The following KIAA0586 variants were observed in gnomAD, a reference collection of about 807,000 sequenced individuals.
The protein encoded by KIAA0586 is KIAA0586.
Under a neutral mutation model 169.8 loss-of-function variants are expected in KIAA0586, and 144 were observed. The ratio of observed to expected loss-of-function variants is 0.85; its 90% confidence interval spans 0.74 to 0.97. KIAA0586 has a LOEUF of 0.97. Ranked by LOEUF, KIAA0586 falls within the 50% of genes least tolerant of loss-of-function variation. The pLI is 0.00. For synonymous variants in KIAA0586, 625 were observed against 612.4 expected (o/e 1.02, Z -0.30); for missense variants, 1,854 against 1,823.0 (o/e 1.02, Z -0.31).
At chr14:58,480,368 C>A (rs2041951311) in intron 20 of KIAA0586, among the ~76,000 whole-genome samples, 1 of 143,778 alleles carries the variant, frequency 7.0e-6, no homozygotes, top group Admixed American at 7.0e-5. Context: ...AAAAAAACTT[C>A]TTTAAGACCT....
intron 26 of KIAA0586, among the ~76,000 whole-genome samples, chr14:58,497,123 C>T (rs1354413628): frequency 6.6e-6 from 1 of 151,754 alleles, no homozygotes; most frequent in East Asian, 1.9e-4. Context: ...TACAGGCATG[C>T]ACTACCATGC....
chr14:58,557,350 A>G, the KIAA0586 span, among the ~76,000 whole-genome samples: 594 of 152,282 alleles, frequency 3.9e-3, 10 homozygotes, highest in Non-Finnish European at 5.0e-3. Flanking sequence ...AATCTTAATG[A>G]TGTGCAATTG....
At chr14:58,543,659 T>A (rs1162305792) in intron 30 of KIAA0586, among the ~76,000 whole-genome samples, 4 of 152,212 alleles carry the variant, frequency 2.6e-5, no homozygotes, top group African/African-American at 9.7e-5. Flanking sequence ...TTTGTTGGTG[T>A]TCTTATTACT....
intron 28 of KIAA0586, among the ~76,000 whole-genome samples, chr14:58,510,401 T>C (rs2044304828): frequency 6.6e-6 from 1 of 152,134 alleles, no homozygotes; most frequent in South Asian, 2.1e-4. Context: ...GCAGAGTTAG[T>C]CATTAGGAAA....
At chr14:58,532,605 T>C (rs2046049927) in intron 29 of KIAA0586, among the ~76,000 whole-genome samples, 1 of 152,234 alleles carries the variant, frequency 6.6e-6, no homozygotes, top group Admixed American at 6.5e-5. Context: ...ATCACTCTTT[T>C]ATATAATTAC....
At chr14:58,431,474 C>T (rs773944778) in intron 3 of KIAA0586, among the ~76,000 whole-genome samples, 1 of 152,106 alleles carries the variant, frequency 6.6e-6, no homozygotes, top group Non-Finnish European at 1.5e-5. Context: ...ACCATCTTGA[C>T]CAGACTGGTC....
In KIAA0586 at chr14:58,427,986, T is replaced by G. The variant is rs1297058932; in HGVS notation, c.-279T>G. On this transcript the variant is annotated 5_prime_UTR_variant, in exon 1 of 31. Coordinates refer to ENST00000652326, the MANE Select transcript of KIAA0586 (RefSeq NM_001329943.3). The stretch of plus-strand genomic sequence containing the variant: ...AGCTCTGGGGTTGGGGAGTGCACTG[T>G]TATGGTTATTGTTGCTCCTGTGGCC... The G allele has an allele frequency of 7.0e-7, 1 of 1,422,222 alleles. No homozygotes were observed. The highest frequency in any genetic ancestry group is 1.4e-5 in the African/African-American group (1 of 69,500). The allele number at this position is 1,422,222 out of a possible 1,614,324, so 88.1% of individuals were successfully genotyped here.
In KIAA0586 at chr14:58,487,986, A is replaced by G. The variant is rs751729993; in HGVS notation, c.3404A>G (p.Asp1135Gly). Reference protein sequence around the residue: ...AAAVFTPTLSDISIDKLKVSS... With the variant: ...AAAVFTPTLSGISIDKLKVSS... Reference sequence around the variant, plus strand: ...GCAGTTTTTACCCCAACTTTGTCAGATATTTCCATTGATAAATTGAAGGTA... The same window carrying G: ...GCAGTTTTTACCCCAACTTTGTCAGGTATTTCCATTGATAAATTGAAGGTA... Residue 1135 changes from aspartate (D) to glycine (G), a missense_variant, in exon 23 of 31, where the codon GAT (aspartate) becomes GGT (glycine). By Grantham distance (94) the Asp-to-Gly change is moderately conservative. Transcript: ENST00000652326. The G allele has an allele frequency of 4.3e-6, 7 of 1,613,308 alleles. No homozygotes were observed. The East Asian group carries it at 1.1e-4, about 26-fold the overall frequency.
intron 29 of KIAA0586, among the ~76,000 whole-genome samples, chr14:58,518,081 A>G (rs1470713317): frequency 2.0e-5 from 3 of 152,272 alleles, no homozygotes; most frequent in Non-Finnish European, 2.9e-5. Flanking sequence ...TTCAATGGTT[A>G]GTCTTACTGG....
At chr14:58,486,364 C>G (rs938367890) in intron 21 of KIAA0586, among the ~76,000 whole-genome samples, 2 of 152,070 alleles carry the variant, frequency 1.3e-5, no homozygotes. Flanking sequence ...TGATGGGCAC[C>G]TAGGTTGACT....
At chr14:58,445,257 C>T (rs1199693136) in intron 6 of KIAA0586, among the ~76,000 whole-genome samples, 1 of 152,050 alleles carries the variant, frequency 6.6e-6, no homozygotes, top group Non-Finnish European at 1.5e-5. Flanking sequence ...TTCTGATGCA[C>T]ACCGTTGGAT....
rs752882356 is a variant in KIAA0586 at position 58,474,700 on chromosome 14, C to G, written c.2728C>G (p.Pro910Ala). The G allele has an allele frequency of 1.2e-6, 2 of 1,613,386 alleles. No individual in the cohort carries two copies. Among genetic ancestry groups the G allele is most frequent in the South Asian group, 2.2e-5 (2 of 91,030 alleles). ...TGATTCTACAAAATATAATGGTCCT[C>G]CATTTCCGCCAGTTGCTTCTACTTT... is the stretch of plus-strand genomic sequence containing the variant. The part of the protein sequence containing the change: ...KADSTKYNGP[P>A]FPPVASTFQP... The change falls in exon 19 of 31, where the codon CCA becomes GCA. Residue 910 changes from proline to alanine, a missense_variant. By Grantham distance (27) the Pro-to-Ala change is conservative (BLOSUM62 -1). Coordinates refer to ENST00000652326, the MANE Select transcript of KIAA0586 (RefSeq NM_001329943.3).
chr14:58,467,819 T>C lies in KIAA0586; in HGVS notation c.2339T>C (p.Ile780Thr). The C allele has an allele frequency of 6.2e-7, 1 of 1,613,656 alleles. No homozygotes were observed. The highest frequency in any genetic ancestry group is 8.5e-7 in the Non-Finnish European group (1 of 1,179,592). The change falls in exon 16 of 31, where the codon ATT (isoleucine) becomes ACT (threonine). Residue 780 changes from isoleucine to threonine, a missense_variant. Transcript: ENST00000652326. ...KPHPVTVTTS[I>T]PPSSRKVETG... Reference sequence around the variant, plus strand: ...CACCCTGTAACTGTGACTACTTCTATTCCTCCATCATCTCGAAAAGTAGAA... The same window carrying C: ...CACCCTGTAACTGTGACTACTTCTACTCCTCCATCATCTCGAAAAGTAGAA...
intron 16 of KIAA0586, among the ~76,000 whole-genome samples, chr14:58,470,173 A>G (rs2041098858): frequency 1.3e-5 from 2 of 152,048 alleles, no homozygotes; most frequent in African/African-American, 4.8e-5. Flanking sequence ...AAATTTTTCC[A>G]ATTGAAACAT....
rs185349555 is a variant in KIAA0586 at position 58,428,535 on chromosome 14, C to G, written c.199+72C>G. On this transcript the variant is annotated intron_variant, in intron 1 of 30. Coordinates refer to ENST00000652326, the MANE Select transcript of KIAA0586 (RefSeq NM_001329943.3). ...CTTTAGTCCTTATTTGTTTAAATTC[C>G]CAAACGTAAGATATAAGTCTAGTTT... The G allele has an allele frequency of 6.1e-6, 7 of 1,152,756 alleles. No homozygotes were observed. The Admixed American group carries it at 1.5e-4, about 24-fold the overall frequency. The allele number at this position is 1,152,756 out of a possible 1,614,324, so 71.4% of individuals were successfully genotyped here. A position where few individuals can be genotyped will look rare whatever the true frequency, so the allele number is the denominator to read the frequency against.
chr14:58,460,075 G>GTA lies in KIAA0586; in HGVS notation c.1884+5_1884+6insTA. The GTA allele has an allele frequency of 7.1e-7, 1 of 1,412,136 alleles. No individual in the cohort carries two copies. The allele number at this position is 1,412,136 out of a possible 1,614,324, so 87.5% of individuals were successfully genotyped here. On this transcript the variant is annotated splice_donor_region_variant and intron_variant, in intron 13 of 30. Coordinates refer to ENST00000652326, the MANE Select transcript of KIAA0586 (RefSeq NM_001329943.3). ...TTACAGAAAGAGAGAAAGGAAGTAA[G>GTA]ATCCTAATCTGTTCTTTTAACATAA... is the stretch of plus-strand genomic sequence containing the variant.
intron 29 of KIAA0586, among the ~76,000 whole-genome samples, chr14:58,534,373 T>A (rs1425535731): frequency 2.0e-5 from 3 of 152,248 alleles, no homozygotes; most frequent in Non-Finnish European, 2.9e-5. Context: ...TGAGTTTAAG[T>A]GTAGTTATGA....
In KIAA0586 at chr14:58,484,460, T is replaced by G. The variant is rs78785682; in HGVS notation, c.3144+1748T>G. Among the ~76,000 whole-genome samples, 857 of 152,210 alleles carry G rather than the reference T, an allele frequency of 5.6e-3. 3 individuals carry two copies. The highest frequency in any genetic ancestry group is 0.01 in the Middle Eastern group (3 of 294). On this transcript the variant is annotated intron_variant, in intron 21 of 30. Transcript: ENST00000652326. The stretch of plus-strand genomic sequence containing the variant: ...GTACTGTGTTCTCTTTGCCAAAGTT[T>G]TGTGGAAGATTAAGTGAGATGATAT...
intron 6 of KIAA0586, among the ~76,000 whole-genome samples, chr14:58,446,161 C>T (rs1383651562): frequency 3.3e-5 from 5 of 151,822 alleles, no homozygotes; most frequent in Non-Finnish European, 5.9e-5. Context: ...TGAGTAACCG[C>T]GCCTGGCCTA....
Sources: allele counts gnomAD v4.1 joint callset (sites outside exome capture counted in the v4.1 genomes callset), GRCh38; gene constraint gnomAD v4.1.1; transcripts MANE v1.5; gene names NCBI Gene and HGNC (gene_info 2026-07-23, HGNC 2026-07-21).